Variants in NELL1 observed in about 807,000 individuals in gnomAD.
NELL1 encodes the protein neural EGFL like 1.
In NELL1, 76 loss-of-function variants were observed where a neutral mutation model predicts 107.4. The observed-to-expected ratio is 0.71, with a 90% CI of 0.59 to 0.86. The LOEUF is 0.86. NELL1 is among the 40% of genes least tolerant of loss of function. The pLI, the probability that NELL1 is intolerant of heterozygous loss-of-function variation, is 0.00. For synonymous variants in NELL1, 353 were observed against 341.2 expected (o/e 1.03, Z -0.38); for missense variants, 1,024 against 1,005.5 (o/e 1.02, Z -0.25).
intron 12 of NELL1, among the ~76,000 whole-genome samples, chr11:21,044,431 G>C (rs1351089666): frequency 6.6e-6 from 1 of 152,158 alleles, no homozygotes; most frequent in Non-Finnish European, 1.5e-5. Flanking sequence ...CAACGCATTT[G>C]AGAAGTTTGG....
At chr11:20,798,692 T>C (rs1007845174) in intron 3 of NELL1, among the ~76,000 whole-genome samples, 2 of 152,146 alleles carry the variant, frequency 1.3e-5, no homozygotes, top group African/African-American at 4.8e-5. Context: ...TGTCAGAACA[T>C]TGGTGAGGGT....
intron 12 of NELL1, among the ~76,000 whole-genome samples, chr11:21,065,373 A>G (rs937736469): frequency 6.6e-6 from 1 of 152,098 alleles, no homozygotes; most frequent in Non-Finnish European, 1.5e-5. Flanking sequence ...ACTTATCTTG[A>G]ACTTGCTAGA....
chr11:21,376,541 C>T (rs564013789), intron 15 of NELL1, among the ~76,000 whole-genome samples: 218 of 152,014 alleles, frequency 1.4e-3, no homozygotes, highest in Middle Eastern at 3.4e-3. Context: ...CTTTTTGTTT[C>T]GGTTCCAAAT....
intron 3 of NELL1, among the ~76,000 whole-genome samples, chr11:20,786,179 G>A (rs972019233): frequency 1.3e-5 from 2 of 151,558 alleles, no homozygotes; most frequent in East Asian, 1.9e-4. Flanking sequence ...GTGAAACCCC[G>A]TCTCCACTTA....
At position 20,868,302 on chromosome 11, in the gene NELL1, T is replaced by C. The variant is rs1440223437; in HGVS notation, c.507-17142T>C. 2.0e-5 allele frequency among the ~76,000 whole-genome samples: 3 copies of C among 152,294 alleles called. No homozygotes were observed. The South Asian group carries it at 6.2e-4, about 32-fold the overall frequency. On this transcript the variant is annotated intron_variant, in intron 4 of 19. Transcript: ENST00000357134. ...GCCAGTCACAAAAGGACAAATATTATAAGATTTCATCTATATGAAATATCT... is the reference window on the plus strand; with the variant it reads ...GCCAGTCACAAAAGGACAAATATTACAAGATTTCATCTATATGAAATATCT...
At chr11:21,281,075 G>C (rs1323673023) in intron 14 of NELL1, among the ~76,000 whole-genome samples, 1 of 151,524 alleles carries the variant, frequency 6.6e-6, no homozygotes. Flanking sequence ...GGAGAGGGAA[G>C]AGTGGGGAGG....
chr11:21,240,638 G>A (rs888021846), intron 14 of NELL1, among the ~76,000 whole-genome samples: 3 of 151,878 alleles, frequency 2.0e-5, no homozygotes, highest in Non-Finnish European at 4.4e-5. Flanking sequence ...CAAGATTGGG[G>A]CAAGGCAAAG....
At chr11:21,170,088 A>T in intron 13 of NELL1, 1 of 993,128 alleles carries the variant, frequency 1.0e-6, no homozygotes, top group Non-Finnish European at 1.6e-6. Context: ...AAGTTCTTTG[A>T]ACAAAAGGAT....
intron 2 of NELL1, among the ~76,000 whole-genome samples, chr11:20,774,472 T>C (rs1192632762): frequency 6.6e-6 from 1 of 151,682 alleles, no homozygotes; most frequent in Non-Finnish European, 1.5e-5. Context: ...GCTCATGTTA[T>C]CCTCCGTCTC....
At chr11:20,918,087 A>G (rs1467212640) in intron 5 of NELL1, 95 bp from the exon 6 acceptor site, 10 of 767,706 alleles carry the variant, frequency 1.3e-5, no homozygotes, top group Non-Finnish European at 2.1e-5. Context: ...TTTTGTTGAA[A>G]AATAATCTGA....
At chr11:21,181,210 G>A (rs918953055) in intron 13 of NELL1, among the ~76,000 whole-genome samples, 1 of 151,796 alleles carries the variant, frequency 6.6e-6, no homozygotes, top group Non-Finnish European at 1.5e-5. Flanking sequence ...CATTTATATT[G>A]TATTTATGGG....
chr11:20,737,692 T>A (rs187183001), intron 2 of NELL1, among the ~76,000 whole-genome samples: 1 of 152,170 alleles, frequency 6.6e-6, no homozygotes, highest in Admixed American at 6.5e-5. Context: ...CTCCTACTAC[T>A]AGCATTATTA....
chr11:21,317,117 T>A lies in NELL1; in HGVS notation c.1550-53736T>A, dbSNP rs73454917. ...CATAATAATTAACACATATATAGTG[T>A]TTATTTTAAGTAGAGAAGCTGAGAC... On this transcript the variant is annotated intron_variant, in intron 14 of 19. Coordinates refer to ENST00000357134, the MANE Select transcript of NELL1 (RefSeq NM_006157.5). 1.7e-3 allele frequency among the ~76,000 whole-genome samples: 258 copies of A among 152,232 alleles called. 1 individual carries two copies. Among genetic ancestry groups the A allele is most frequent in the African/African-American group, 6.0e-3 (249 of 41,562 alleles).
chr11:21,074,134 C>T (rs549001810), intron 12 of NELL1, among the ~76,000 whole-genome samples: 7 of 152,116 alleles, frequency 4.6e-5, no homozygotes, highest in East Asian at 1.9e-4. Flanking sequence ...AAGATTCTTG[C>T]GACTCAAGAT....
intron 13 of NELL1, among the ~76,000 whole-genome samples, chr11:21,211,821 G>T (rs560932058): frequency 2.6e-5 from 4 of 151,952 alleles, no homozygotes; most frequent in Non-Finnish European, 4.4e-5. Flanking sequence ...TATTTTTTTT[G>T]TTTGTTTGGT....
chr11:21,187,971 T>C (rs895491361), intron 13 of NELL1, among the ~76,000 whole-genome samples: 20 of 151,866 alleles, frequency 1.3e-4, no homozygotes, highest in African/African-American at 4.9e-4. Flanking sequence ...AGGTAATTGA[T>C]GATACCTGTT....
At chr11:20,710,629 T>C (rs1855088651) in intron 2 of NELL1, among the ~76,000 whole-genome samples, 1 of 152,200 alleles carries the variant, frequency 6.6e-6, no homozygotes. Context: ...CTTCTTTGAA[T>C]GTTTGATAGA....
intron 13 of NELL1, among the ~76,000 whole-genome samples, chr11:21,201,787 T>G (rs1358715622): frequency 6.6e-6 from 1 of 152,204 alleles, no homozygotes; most frequent in Non-Finnish European, 1.5e-5. Flanking sequence ...TCTTATTATT[T>G]TGAGATACAG....
At chr11:20,751,608 C>T (rs1223611951) in intron 2 of NELL1, among the ~76,000 whole-genome samples, 1 of 151,520 alleles carries the variant, frequency 6.6e-6, no homozygotes, top group Non-Finnish European at 1.5e-5. Flanking sequence ...TTCTTAGTAG[C>T]TGGGACTACA....
Sources: allele counts gnomAD v4.1 joint callset (sites outside exome capture counted in the v4.1 genomes callset), GRCh38; gene constraint gnomAD v4.1.1; transcripts MANE v1.5; gene names NCBI Gene and HGNC (gene_info 2026-07-23, HGNC 2026-07-21).